MMP26: variants seen among roughly 807,000 people sequenced by gnomAD.
The protein encoded by MMP26 is matrix metallopeptidase 26.
MMP26 carries 33 observed loss-of-function variants against 31.0 expected under a neutral mutation model. The observed-to-expected ratio is 1.06, with a 90% CI of 0.81 to 1.42. The LOEUF is 1.42. Ranked by LOEUF, MMP26 falls within the 40% of genes most tolerant of loss-of-function variation. The probability of loss-of-function intolerance (pLI) is 0.00; values close to 1 mark genes in which losing one functional copy is unlikely to be tolerated. For missense variants in MMP26, 347 were observed against 316.1 expected (o/e 1.10, Z -0.74); for synonymous variants, 122 against 114.9 (o/e 1.06, Z -0.40).
At chr11:4,908,328 A>G in intron 2 of MMP26, 1 of 1,596,982 alleles carries the variant, frequency 6.3e-7, no homozygotes, top group Non-Finnish European at 8.6e-7. Flanking sequence ...CAATTAGGTA[A>G]TAAATTATCA....
intron 2 of MMP26, among the ~76,000 whole-genome samples, chr11:4,782,084 G>C (rs887973484): frequency 5.9e-5 from 9 of 152,176 alleles, no homozygotes; most frequent in East Asian, 1.9e-4. Context: ...GGTACCAGTA[G>C]AGCAGGACAC....
chr11:4,857,549 C>T lies in MMP26; in HGVS notation c.-145+90208C>T, dbSNP rs575709024. On this transcript the variant is annotated intron_variant, in intron 2 of 7. Transcript: ENST00000380390. ...GGAAGAAGTTGAATCCCTGAATAGA[C>T]CAATAACAGGCTCTGAAATTGAGGC... Among the ~76,000 whole-genome samples, 8 of 152,206 alleles carry T rather than the reference C, an allele frequency of 5.3e-5. No individual in the cohort carries two copies. The East Asian group carries it at 1.5e-3, about 29-fold the overall frequency.
intron 2 of MMP26, among the ~76,000 whole-genome samples, chr11:4,781,792 A>G (rs1848867958): frequency 1.3e-5 from 2 of 152,094 alleles, no homozygotes; most frequent in South Asian, 2.1e-4. Flanking sequence ...TGATTGAATT[A>G]TGGGGGCAGG....
chr11:4,892,338 T>G (rs1053807820), intron 2 of MMP26, among the ~76,000 whole-genome samples: 2 of 152,192 alleles, frequency 1.3e-5, no homozygotes, highest in Non-Finnish European at 2.9e-5. Context: ...CAACTCCAAT[T>G]AGGTCAGCTC....
chr11:4,954,557 T>C (rs2412437), intron 2 of MMP26, among the ~76,000 whole-genome samples: 41,026 of 123,332 alleles, frequency 0.33, 13,881 homozygotes, highest in Middle Eastern at 0.51. Flanking sequence ...TCATAAGACA[T>C]TTATTTTTAT....
chr11:4,821,251 G>T, intron 2 of MMP26: 1 of 716,842 alleles, frequency 1.4e-6, no homozygotes, highest in Admixed American at 2.6e-5. Context: ...TGACAGACTT[G>T]GAGAGAAATG....
At chr11:4,989,962 C>G in intron 4 of MMP26, 94 bp downstream of exon 4, 1 of 1,024,342 alleles carries the variant, frequency 9.8e-7, no homozygotes, top group Non-Finnish European at 1.4e-6. Flanking sequence ...CTACTCTCTT[C>G]TGCTTTCATT....
At chr11:4,768,776 T>C (rs1271676145) in intron 2 of MMP26, among the ~76,000 whole-genome samples, 2 of 152,258 alleles carry the variant, frequency 1.3e-5, no homozygotes, top group African/African-American at 4.8e-5. Context: ...TCATTATTGT[T>C]ATTTTCCTAA....
intron 2 of MMP26, chr11:4,944,651 T>C (rs2133604424): frequency 6.6e-6 from 1 of 152,204 alleles, no homozygotes; most frequent in African/African-American, 2.4e-5. Flanking sequence ...ATTCAATGGG[T>C]AGGTAAAATG....
chr11:4,885,872 A>C (rs1016572909), intron 2 of MMP26, among the ~76,000 whole-genome samples: 1 of 152,092 alleles, frequency 6.6e-6, no homozygotes, highest in Non-Finnish European at 1.5e-5. Flanking sequence ...GCCTGTTGCC[A>C]TTCCTTTACA....
intron 2 of MMP26, among the ~76,000 whole-genome samples, chr11:4,817,167 T>C (rs1385802914): frequency 6.6e-6 from 1 of 152,102 alleles, no homozygotes; most frequent in African/African-American, 2.4e-5. Context: ...TATGTACATT[T>C]TTATATATGG....
chr11:4,734,986 C>T (rs977680103), intron 1 of MMP26, among the ~76,000 whole-genome samples: 21 of 152,316 alleles, frequency 1.4e-4, no homozygotes, highest in African/African-American at 4.8e-4. Context: ...AGTCACTGAC[C>T]TCTTGGCTGC....
At chr11:4,865,584 T>TTCC (rs201125211) in intron 2 of MMP26, among the ~76,000 whole-genome samples, 74 of 151,984 alleles carry the variant, frequency 4.9e-4, no homozygotes, top group Middle Eastern at 3.4e-3. Flanking sequence ...ATTCTTCTTC[T>TTCC]TCCTCCTCCT....
In MMP26 at chr11:4,883,027, T is replaced by C. The variant is rs925485462; in HGVS notation, c.-144-105041T>C. On this transcript the variant is annotated intron_variant, in intron 2 of 7. Coordinates refer to ENST00000380390, the MANE Select transcript of MMP26 (RefSeq NM_021801.5). Reference sequence around the variant, plus strand: ...AGACAGTAATTTTCCCCTGAGCTTATCAAAGAGTTTTATTTTTAATTTTTA... The same window carrying C: ...AGACAGTAATTTTCCCCTGAGCTTACCAAAGAGTTTTATTTTTAATTTTTA... 1.9e-5 allele frequency: 12 copies of C among 631,908 alleles called. 1 individual carries two copies. In the African/African-American group the frequency reaches 2.2e-4, roughly 12 times the overall value. 39.1% of individuals were successfully genotyped at this position (631,908 alleles called of 1,614,324 possible).
chr11:4,722,930 T>C (rs1421038474), intron 1 of MMP26: 3 of 782,858 alleles, frequency 3.8e-6, no homozygotes, highest in African/African-American at 3.4e-5. Flanking sequence ...ACCACCTGCA[T>C]AGACACTGGT....
chr11:4,844,218 C>T (rs191767930), intron 2 of MMP26, among the ~76,000 whole-genome samples: 9 of 152,116 alleles, frequency 5.9e-5, no homozygotes, highest in African/African-American at 1.7e-4. Flanking sequence ...GATTGAACCA[C>T]GAAGAAATCC....
intron 2 of MMP26, among the ~76,000 whole-genome samples, chr11:4,794,620 G>C (rs1397243230): frequency 6.6e-6 from 1 of 152,078 alleles, no homozygotes; most frequent in East Asian, 1.9e-4. Flanking sequence ...TTAGGTATTT[G>C]ACCTATGACC....
intron 1 of MMP26, among the ~76,000 whole-genome samples, chr11:4,739,931 T>G (rs1295893047): frequency 6.6e-6 from 1 of 152,156 alleles, no homozygotes; most frequent in Non-Finnish European, 1.5e-5. Flanking sequence ...GTTAAAAATG[T>G]CACAACAATA....
At chr11:4,776,317 G>A (rs553850297) in intron 2 of MMP26, among the ~76,000 whole-genome samples, 119 of 152,088 alleles carry the variant, frequency 7.8e-4, no homozygotes, top group African/African-American at 2.7e-3. Flanking sequence ...GCCCAGTAGT[G>A]AGATTACTGG....
Sources: gnomAD v4.1 joint callset for allele counts (sites outside exome capture counted in the v4.1 genomes callset) on GRCh38, gnomAD v4.1.1 for gene constraint, MANE v1.5 for transcripts, NCBI Gene and HGNC (gene_info 2026-07-23, HGNC 2026-07-21) for gene names.